Variants in THOC2 observed in about 807,000 individuals in gnomAD.
The protein encoded by THOC2 is THO complex 2.
Under a neutral mutation model 128.4 loss-of-function variants are expected in THOC2, and 10 were observed. That is an observed-to-expected ratio of 0.08 (90% CI 0.05 to 0.13). THOC2 has a LOEUF of 0.13. THOC2 is among the 10% of genes least tolerant of loss of function. The pLI is 1.00. For synonymous variants in THOC2, 393 were observed against 396.9 expected, an observed-to-expected ratio of 0.99 and a Z score of 0.12; for missense variants, 535 against 1,155.7, an observed-to-expected ratio of 0.46 and a Z score of 7.79.
intron 18 of THOC2, among the ~76,000 whole-genome samples, chrX:123,637,245 G>A (rs2047708687): frequency 8.9e-6 from 1 of 111,788 alleles, no homozygotes; most frequent in Non-Finnish European, 1.9e-5. Context: ...GGACAATGGG[G>A]AGCCACTGCA....
intron 1 of THOC2, among the ~76,000 whole-genome samples, chrX:123,727,859 A>AG (rs1467487695): frequency 8.9e-6 from 1 of 112,819 alleles, no homozygotes; most frequent in African/African-American, 3.2e-5. Flanking sequence ...TTCTGTCAAA[A>AG]GATGTATGGA....
At chrX:123,659,976 G>A (rs780498964) in intron 12 of THOC2, among the ~76,000 whole-genome samples, 1 of 112,034 alleles carries the variant, frequency 8.9e-6, no homozygotes, top group South Asian at 3.7e-4. Flanking sequence ...ATTTGTCACA[G>A]CAAAATCTTT....
At position 123,709,119 on chromosome X, in the gene THOC2, T is replaced by TC. The variant is rs762157511; in HGVS notation, c.131-2171_131-2170insG. ...CTATTGTGTTTTATCCATAGAACTGTAAGTGGTGGTTTAAAACTGTCAGGC... is the reference window on the plus strand; with the variant it reads ...CTATTGTGTTTTATCCATAGAACTGTCAAGTGGTGGTTTAAAACTGTCAGGC... On this transcript the variant is annotated intron_variant, in intron 2 of 38. Coordinates refer to ENST00000245838, the MANE Select transcript of THOC2 (RefSeq NM_001081550.2). 4.2e-3 allele frequency among the ~76,000 whole-genome samples: 476 copies of TC among 112,678 alleles called. 2 individuals carry two copies. The highest frequency in any genetic ancestry group is 0.015 in the African/African-American group (450 of 31,027).
intron 7 of THOC2, among the ~76,000 whole-genome samples, chrX:123,693,917 A>G (rs1171797476): frequency 1.8e-5 from 2 of 111,452 alleles, no homozygotes; most frequent in East Asian, 2.8e-4. Flanking sequence ...ATACTCATAG[A>G]CTGTCCATAT....
rs1371517533 is a variant in THOC2, at chrX:123,656,249, T to A, written c.1386+9393A>T. Among the ~76,000 whole-genome samples the A allele has an allele frequency of 4.0e-5, 4 of 100,253 alleles. No individual in the cohort carries two copies. In the Admixed American group the frequency reaches 4.7e-4, roughly 12 times the overall value. The allele number at this position is 100,253 out of a possible 115,157, so 87.1% of individuals were successfully genotyped here. The stretch of plus-strand genomic sequence containing the variant: ...GAGGCAGGAGAATAGCTTGAACCCG[T>A]GAACCCGGGAGGCAGAGGCTGCAGT... On this transcript the variant is annotated intron_variant, in intron 12 of 38. Transcript: ENST00000245838.
At chrX:123,688,813 A>G (rs1318079640) in intron 7 of THOC2, among the ~76,000 whole-genome samples, 1 of 112,190 alleles carries the variant, frequency 8.9e-6, no homozygotes, top group African/African-American at 3.2e-5. Context: ...AGCCTCAACA[A>G]AGATGAAAAA....
At chrX:123,623,323 T>A (rs1383671400) in intron 28 of THOC2, 40 bp from the exon 29 acceptor site, 6 of 1,090,094 alleles carry the variant, frequency 5.5e-6, no homozygotes, top group Admixed American at 6.0e-5. Context: ...CAAACACAAA[T>A]CAAAAAACAT....
chrX:123,719,395 T>C (rs778866964), intron 1 of THOC2, among the ~76,000 whole-genome samples: 1 of 110,371 alleles, frequency 9.1e-6, no homozygotes, highest in Admixed American at 9.8e-5. Context: ...GTATCGAAGA[T>C]GTGGATAAAA....
chrX:123,671,593 G>A, intron 9 of THOC2, 76 bp downstream of exon 9: 3 of 561,939 alleles, frequency 5.3e-6, no homozygotes, highest in East Asian at 3.6e-5. Flanking sequence ...TCCTGGGGGT[G>A]CTATGTGGCT....
chrX:123,629,376 T>C (rs2047392021), intron 22 of THOC2, among the ~76,000 whole-genome samples: 1 of 109,927 alleles, frequency 9.1e-6, no homozygotes, highest in African/African-American at 3.3e-5. Context: ...CTAAAGGAAG[T>C]CCTAAAACTA....
At chrX:123,602,951 G>A (rs1427943711) in intron 38 of THOC2, 1 of 108,606 alleles carries the variant, frequency 9.2e-6, no homozygotes, top group Non-Finnish European at 1.9e-5. Context: ...AGGTCACAGT[G>A]AGCCGAGATC....
intron 1 of THOC2, among the ~76,000 whole-genome samples, chrX:123,726,620 C>A: frequency 8.9e-6 from 1 of 112,002 alleles, no homozygotes; most frequent in East Asian, 2.8e-4. Context: ...TTGCAAAAAG[C>A]CTTCCAATGG....
chrX:123,664,669 T>C (rs2048980368), intron 12 of THOC2, among the ~76,000 whole-genome samples: 1 of 111,576 alleles, frequency 9.0e-6, no homozygotes, highest in African/African-American at 3.3e-5. Flanking sequence ...CTCACACCAG[T>C]TAGAATGGCG....
intron 21 of THOC2, among the ~76,000 whole-genome samples, chrX:123,632,244 T>C (rs778487921): frequency 1.8e-5 from 2 of 110,511 alleles, no homozygotes; most frequent in East Asian, 5.6e-4. Context: ...ACAAAATGTG[T>C]TTAACTATCA....
At chrX:123,663,751 C>T (rs2048937672) in intron 12 of THOC2, among the ~76,000 whole-genome samples, 1 of 109,990 alleles carries the variant, frequency 9.1e-6, no homozygotes, top group Non-Finnish European at 1.9e-5. Context: ...GGTATATTTC[C>T]TGATGCTATC....
intron 4 of THOC2, among the ~76,000 whole-genome samples, chrX:123,700,473 C>T (rs1201945769): frequency 1.0e-5 from 1 of 96,610 alleles, no homozygotes; most frequent in Non-Finnish European, 2.1e-5. Context: ...TGCACTCCAG[C>T]CTGGGCAACA....
chrX:123,637,709 G>A (rs1375490901), intron 18 of THOC2, among the ~76,000 whole-genome samples: 9 of 110,587 alleles, frequency 8.1e-5, no homozygotes, highest in African/African-American at 3.3e-5. Flanking sequence ...GCAGTGAGTC[G>A]AGATCACACC....
chrX:123,622,571 G>A (rs767691854), intron 30 of THOC2, among the ~76,000 whole-genome samples, 187 bp downstream of exon 30: 1 of 111,415 alleles, frequency 9.0e-6, no homozygotes, highest in African/African-American at 3.3e-5. Flanking sequence ...GAATTATGAG[G>A]GCCAGGTGCA....
At chrX:123,614,652 T>C (rs1451273054) in intron 33 of THOC2, among the ~76,000 whole-genome samples, 1 of 111,478 alleles carries the variant, frequency 9.0e-6, no homozygotes, top group Non-Finnish European at 1.9e-5. Flanking sequence ...AGTATAAAAA[T>C]AAAACCTAGC....
Sources: allele counts gnomAD v4.1 joint callset (sites outside exome capture counted in the v4.1 genomes callset), GRCh38; gene constraint gnomAD v4.1.1; transcripts MANE v1.5; gene names NCBI Gene and HGNC (gene_info 2026-07-23, HGNC 2026-07-21).